The following EXOC4 variants were observed in gnomAD, a reference collection of about 807,000 sequenced individuals.
The protein encoded by EXOC4 is exocyst complex component 4.
EXOC4 carries 71 observed loss-of-function variants against 107.2 expected under a neutral mutation model. The ratio of observed to expected loss-of-function variants is 0.66; its 90% confidence interval spans 0.55 to 0.81. EXOC4 has a LOEUF of 0.81. EXOC4 is among the 30% of genes least tolerant of loss of function. The pLI is 0.00. For missense variants in EXOC4, 1,108 were observed against 1,189.6 expected (o/e 0.93, Z 1.01); for synonymous variants, 456 against 441.2 (o/e 1.03, Z -0.42).
chr7:133,832,851 G>C (rs890161176), intron 11 of EXOC4, among the ~76,000 whole-genome samples: 3 of 152,096 alleles, frequency 2.0e-5, no homozygotes, highest in African/African-American at 7.2e-5. Context: ...GGCTTGTGGT[G>C]GTGGTAGGGG....
chr7:133,658,301 A>T (rs2151042827), intron 10 of EXOC4, among the ~76,000 whole-genome samples: 2 of 152,248 alleles, frequency 1.3e-5, no homozygotes, highest in South Asian at 4.2e-4. Flanking sequence ...CTATGGTTTG[A>T]AAATGCAACC....
Position 133,674,377 on chromosome 7 carries a change from G to A in EXOC4, c.1514+44236G>A, listed in dbSNP as rs149700523. 4.8e-3 allele frequency among the ~76,000 whole-genome samples: 732 copies of A among 152,100 alleles called. 3 individuals carry two copies. Among genetic ancestry groups the A allele is most frequent in the Middle Eastern group, 0.017 (5 of 292 alleles). ...CATCTTAGGTGGGGTCAGGGTTGCT[G>A]GATTTTTTTATACATTCATACACTT... On this transcript the variant is annotated intron_variant, in intron 10 of 17. Transcript: ENST00000253861.
At chr7:133,525,991 T>C (rs1800071397) in intron 9 of EXOC4, among the ~76,000 whole-genome samples, 1 of 152,156 alleles carries the variant, frequency 6.6e-6, no homozygotes, top group Admixed American at 6.5e-5. Context: ...CCTGAGCCAA[T>C]ATTCCAGAGA....
intron 2 of EXOC4, among the ~76,000 whole-genome samples, chr7:133,281,583 C>G (rs905292966): frequency 6.6e-6 from 1 of 151,954 alleles, no homozygotes; most frequent in Non-Finnish European, 1.5e-5. Context: ...TATTTCTAGT[C>G]TGTAGTTTCA....
chr7:133,416,757 A>G (rs1797484140), intron 7 of EXOC4, among the ~76,000 whole-genome samples: 1 of 152,160 alleles, frequency 6.6e-6, no homozygotes, highest in Admixed American at 6.5e-5. Context: ...GAGAAAGGGC[A>G]ACAGTACATT....
intron 11 of EXOC4, among the ~76,000 whole-genome samples, chr7:133,858,164 G>T (rs1430267319): frequency 6.6e-6 from 1 of 152,160 alleles, no homozygotes; most frequent in African/African-American, 2.4e-5. Context: ...CCACCATTCG[G>T]TGTGTTCTGA....
At chr7:133,592,843 C>T (rs1452481357) in intron 9 of EXOC4, among the ~76,000 whole-genome samples, 2 of 152,112 alleles carry the variant, frequency 1.3e-5, no homozygotes, top group Non-Finnish European at 2.9e-5. Flanking sequence ...CCTCATGATC[C>T]ACCCGCTTTG....
chr7:133,523,697 G>A (rs918846500), intron 9 of EXOC4, among the ~76,000 whole-genome samples: 34 of 151,862 alleles, frequency 2.2e-4, no homozygotes, highest in Admixed American at 6.6e-4. Context: ...GTGGTATTTG[G>A]TTTTTTGTTC....
At chr7:133,719,744 T>C (rs922411912) in intron 10 of EXOC4, among the ~76,000 whole-genome samples, 5 of 152,194 alleles carry the variant, frequency 3.3e-5, no homozygotes, top group African/African-American at 1.2e-4. Flanking sequence ...TTAAATTGAA[T>C]TGGCAGAAAC....
intron 14 of EXOC4, among the ~76,000 whole-genome samples, chr7:133,987,231 T>A (rs924042838): frequency 1.4e-4 from 21 of 151,834 alleles, no homozygotes; most frequent in African/African-American, 4.8e-4. Flanking sequence ...GAAGCTGAGG[T>A]GAGAAAATCA....
chr7:133,908,140 A>G (rs1296511572), intron 12 of EXOC4, among the ~76,000 whole-genome samples: 2 of 152,332 alleles, frequency 1.3e-5, no homozygotes, highest in African/African-American at 2.4e-5. Context: ...TCACTCTACC[A>G]TAATCAGATA....
chr7:133,662,404 C>T (rs888099000), intron 10 of EXOC4, among the ~76,000 whole-genome samples: 3 of 152,020 alleles, frequency 2.0e-5, no homozygotes, highest in African/African-American at 7.3e-5. Context: ...ACAAAGAACT[C>T]AAGGAGAATG....
chr7:133,792,171 G>A (rs1231659352), intron 10 of EXOC4, among the ~76,000 whole-genome samples: 1 of 152,052 alleles, frequency 6.6e-6, no homozygotes, highest in Non-Finnish European at 1.5e-5. Flanking sequence ...ATTCTGTTTG[G>A]CCCTCTTTTG....
chr7:133,990,635 T>C (rs1794231225), intron 14 of EXOC4, among the ~76,000 whole-genome samples: 2 of 152,098 alleles, frequency 1.3e-5, no homozygotes, highest in East Asian at 3.9e-4. Context: ...TTTGTATTTT[T>C]AGTAGAGACA....
chr7:134,062,470 G>A (rs1055185398), intron 17 of EXOC4, among the ~76,000 whole-genome samples: 2 of 152,192 alleles, frequency 1.3e-5, no homozygotes, highest in African/African-American at 4.8e-5. Context: ...TGTTCCTGAT[G>A]AGAAAGAAAC....
At chr7:133,662,033 A>G (rs899517943) in intron 10 of EXOC4, among the ~76,000 whole-genome samples, 3 of 152,122 alleles carry the variant, frequency 2.0e-5, no homozygotes, top group African/African-American at 7.2e-5. Flanking sequence ...ATCTTCACAA[A>G]AACTCCACGA....
chr7:133,895,950 C>T (rs1351756936), intron 12 of EXOC4, among the ~76,000 whole-genome samples: 1 of 152,176 alleles, frequency 6.6e-6, no homozygotes, highest in Non-Finnish European at 1.5e-5. Context: ...ACTAGGACTA[C>T]CAATGCATGG....
chr7:134,058,907 TGTA>T (rs1269744367), intron 17 of EXOC4, among the ~76,000 whole-genome samples: 5 of 152,196 alleles, frequency 3.3e-5, no homozygotes, highest in African/African-American at 9.7e-5. Context: ...CGTAGATAAT[TGTA>T]GTTCCTATTT....
At chr7:133,307,367 G>A (rs1794776561) in intron 4 of EXOC4, among the ~76,000 whole-genome samples, 1 of 152,114 alleles carries the variant, frequency 6.6e-6, no homozygotes, top group African/African-American at 2.4e-5. Flanking sequence ...TGGTGAATAG[G>A]GGAAGTGCTA....
Sources: allele counts gnomAD v4.1 joint callset (sites outside exome capture counted in the v4.1 genomes callset), GRCh38; gene constraint gnomAD v4.1.1; transcripts MANE v1.5; gene names NCBI Gene and HGNC (gene_info 2026-07-23, HGNC 2026-07-21).